Variants in PTPRD observed in about 807,000 individuals in gnomAD.
PTPRD encodes the protein protein tyrosine phosphatase receptor type D.
In PTPRD, 34 loss-of-function variants were observed where a neutral mutation model predicts 214.5. That is an observed-to-expected ratio of 0.16 (90% confidence interval 0.12 to 0.21). The LOEUF is 0.21. PTPRD is among the 10% of genes least tolerant of loss of function. The pLI, the probability that PTPRD is intolerant of heterozygous loss-of-function variation, is 1.00. For synonymous variants in PTPRD, 1,128 were observed against 845.7 expected, an observed-to-expected ratio of 1.33 and a Z score of -5.79; for missense variants, 2,545 against 2,398.7, an observed-to-expected ratio of 1.06 and a Z score of -1.27.
At chr9:8,863,033 A>G (rs1039299953) in intron 11 of PTPRD, among the ~76,000 whole-genome samples, 1 of 152,098 alleles carries the variant, frequency 6.6e-6, no homozygotes, top group South Asian at 2.1e-4. Flanking sequence ...AACCTGCACA[A>G]TGTGTACATG....
chr9:8,999,618 T>C (rs1330028724), intron 11 of PTPRD, among the ~76,000 whole-genome samples: 1 of 151,996 alleles, frequency 6.6e-6, no homozygotes, highest in Non-Finnish European at 1.5e-5. Flanking sequence ...GAACCTTTAA[T>C]ATCTCCGAGG....
chr9:9,147,876 T>A (rs1446738295), intron 10 of PTPRD, among the ~76,000 whole-genome samples: 1 of 152,164 alleles, frequency 6.6e-6, no homozygotes, highest in Non-Finnish European at 1.5e-5. Flanking sequence ...ACCCTCTATA[T>A]TCAGAATCAG....
intron 2 of PTPRD, among the ~76,000 whole-genome samples, chr9:10,547,698 G>A (rs1196887929): frequency 5.3e-5 from 8 of 151,014 alleles, no homozygotes; most frequent in Non-Finnish European, 7.4e-5. Flanking sequence ...ATACATATAT[G>A]TTATATATAT....
chr9:8,782,746 C>CGT (rs1566021293), intron 11 of PTPRD, among the ~76,000 whole-genome samples: 5 of 152,080 alleles, frequency 3.3e-5, no homozygotes, highest in African/African-American at 7.2e-5. Flanking sequence ...TACAGGCGCA[C>CGT]ACCACCACCT....
chr9:8,930,429 C>T (rs1472690114), intron 11 of PTPRD, among the ~76,000 whole-genome samples: 6 of 152,200 alleles, frequency 3.9e-5, no homozygotes, highest in South Asian at 2.1e-4. Flanking sequence ...CATATGTGTG[C>T]ATGTGTCTTT....
rs373928700 is a variant in PTPRD at position 10,108,870 on chromosome 9, GT to G, written c.-544-75081del. On this transcript the variant is annotated intron_variant, in intron 3 of 45. Transcript: ENST00000381196. ...GAATTAAGTCAGGCACGTAAAGAGG[GT>G]TTTTTTTTTTGTTACTTCAGCATAA... is the stretch of plus-strand genomic sequence containing the variant. Among the ~76,000 whole-genome samples the G allele has an allele frequency of 4.0e-3, 582 of 146,306 alleles. 2 individuals carry two copies. The highest frequency in any genetic ancestry group is 9.0e-3 in the African/African-American group (361 of 40,110).
intron 7 of PTPRD, among the ~76,000 whole-genome samples, chr9:9,584,861 T>A (rs2091646006): frequency 6.6e-6 from 1 of 152,024 alleles, no homozygotes; most frequent in African/African-American, 2.4e-5. Context: ...AAGCTTTATT[T>A]TCTTCTTGTG....
chr9:9,351,351 T>C (rs2051051206), intron 9 of PTPRD, among the ~76,000 whole-genome samples: 1 of 152,026 alleles, frequency 6.6e-6, no homozygotes, highest in East Asian at 1.9e-4. Context: ...GAATGCACTA[T>C]AGAATCTGAA....
intron 2 of PTPRD, among the ~76,000 whole-genome samples, chr9:10,446,885 G>A (rs1388616862): frequency 1.3e-5 from 2 of 152,138 alleles, no homozygotes; most frequent in Non-Finnish European, 2.9e-5. Flanking sequence ...ACAGCATACT[G>A]CCCATGCTTA....
chr9:9,449,885 A>T (rs1248988700), intron 8 of PTPRD, among the ~76,000 whole-genome samples: 1 of 151,512 alleles, frequency 6.6e-6, no homozygotes, highest in African/African-American at 2.4e-5. Flanking sequence ...CCTCACTCCA[A>T]CCCACCCTTC....
intron 12 of PTPRD, among the ~76,000 whole-genome samples, chr9:8,688,350 A>G (rs2097728920): frequency 6.6e-6 from 1 of 152,146 alleles, no homozygotes; most frequent in Non-Finnish European, 1.5e-5. Context: ...GCGGATCACA[A>G]GTTCAGGAGA....
At chr9:10,251,649 G>T (rs1039246855) in intron 3 of PTPRD, among the ~76,000 whole-genome samples, 2 of 152,114 alleles carry the variant, frequency 1.3e-5, no homozygotes, top group Admixed American at 1.3e-4. Context: ...ATAAAAGTTA[G>T]CTAATATTAC....
intron 3 of PTPRD, among the ~76,000 whole-genome samples, chr9:10,336,968 T>C (rs1249253435): frequency 6.6e-6 from 1 of 151,638 alleles, no homozygotes; most frequent in African/African-American, 2.4e-5. Context: ...AGAATATCCA[T>C]TCAAGGTCGT....
At chr9:8,627,184 C>T (rs563427238) in intron 14 of PTPRD, among the ~76,000 whole-genome samples, 2 of 151,908 alleles carry the variant, frequency 1.3e-5, no homozygotes, top group African/African-American at 4.8e-5. Flanking sequence ...CCATCATGCT[C>T]ATCTGTCGAC....
chr9:8,637,931 G>C (rs1351264990), intron 12 of PTPRD, among the ~76,000 whole-genome samples: 1 of 151,908 alleles, frequency 6.6e-6, no homozygotes, highest in Non-Finnish European at 1.5e-5. Flanking sequence ...AATGAAAAAT[G>C]CACACACACA....
intron 2 of PTPRD, among the ~76,000 whole-genome samples, chr9:10,599,522 A>G (rs2133292919): frequency 6.6e-6 from 1 of 151,880 alleles, no homozygotes; most frequent in East Asian, 2.0e-4. Context: ...TGACCCCAAA[A>G]CTTGGGGACA....
At chr9:8,799,419 AC>A (rs1386371984) in intron 11 of PTPRD, among the ~76,000 whole-genome samples, 1 of 152,236 alleles carries the variant, frequency 6.6e-6, no homozygotes, top group Non-Finnish European at 1.5e-5. Flanking sequence ...GCTGGAAGAG[AC>A]CTGGAATTGT....
intron 2 of PTPRD, among the ~76,000 whole-genome samples, chr9:10,403,574 A>G (rs1171164084): frequency 6.6e-6 from 1 of 151,574 alleles, no homozygotes; most frequent in South Asian, 2.1e-4. Flanking sequence ...TAACAGAACT[A>G]AACACACTCT....
chr9:9,100,120 C>A (rs909994067), intron 10 of PTPRD, among the ~76,000 whole-genome samples: 42 of 152,122 alleles, frequency 2.8e-4, no homozygotes, highest in African/African-American at 9.9e-4. Flanking sequence ...TTATTTTTAA[C>A]TGGCAAGCAG....
Sources: gnomAD v4.1 joint callset for allele counts (sites outside exome capture counted in the v4.1 genomes callset) on GRCh38, gnomAD v4.1.1 for gene constraint, MANE v1.5 for transcripts, NCBI Gene and HGNC (gene_info 2026-07-23, HGNC 2026-07-21) for gene names.